Variants in SNX29 observed in about 807,000 individuals in gnomAD.
The protein encoded by SNX29 is sorting nexin-29.
In SNX29, 78 loss-of-function variants were observed where a neutral mutation model predicts 102.1. That is an observed-to-expected ratio of 0.76 (90% CI 0.64 to 0.92). The LOEUF (loss-of-function observed/expected upper bound fraction) is 0.92, where lower values mean the gene tolerates loss of function less well. Among genes scored for constraint, SNX29 ranks in the 40% least tolerant of loss-of-function variants. The pLI, the probability that SNX29 is intolerant of heterozygous loss-of-function variation, is 0.00. For missense variants in SNX29, 1,280 were observed against 1,061.7 expected (o/e 1.21, Z -2.86); for synonymous variants, 580 against 414.5 (o/e 1.40, Z -4.85).
At chr16:12,438,297 C>T (rs1400618565) in intron 18 of SNX29, among the ~76,000 whole-genome samples, 1 of 152,202 alleles carries the variant, frequency 6.6e-6, no homozygotes, top group Admixed American at 6.5e-5. Flanking sequence ...ATCAGCCCTC[C>T]TTGGGAAACT....
chr16:12,301,425 A>G (rs570914763), intron 15 of SNX29, among the ~76,000 whole-genome samples: 18 of 151,978 alleles, frequency 1.2e-4, no homozygotes, highest in Non-Finnish European at 8.8e-5. Context: ...TGTGTTTCCT[A>G]TACTCCCTCT....
chr16:12,518,788 A>G (rs2089978327), intron 19 of SNX29, among the ~76,000 whole-genome samples: 1 of 152,092 alleles, frequency 6.6e-6, no homozygotes, highest in African/African-American at 2.4e-5. Flanking sequence ...GGTAGGAGCT[A>G]CCCCATCGCT....
chr16:12,406,402 TC>T (rs1208728157), intron 18 of SNX29, among the ~76,000 whole-genome samples: 2 of 152,140 alleles, frequency 1.3e-5, no homozygotes, highest in Non-Finnish European at 2.9e-5. Context: ...GAGTAGACAA[TC>T]CCCATCTACA....
Position 12,569,518 on chromosome 16 carries a change from G to A in SNX29, c.*889G>A, listed in dbSNP as rs1053795843. ...CCAGGGTTTTCAAACCAGGCTCCAT[G>A]ACTATGAAGTTGGACCCAGTGTGGA... is the stretch of plus-strand genomic sequence containing the variant. On this transcript the variant is annotated 3_prime_UTR_variant, in exon 21 of 21. Transcript: ENST00000566228. 1 of 231,738 alleles carries A rather than the reference G, an allele frequency of 4.3e-6. No individual in the cohort carries two copies. Among genetic ancestry groups the A allele is most frequent in the African/African-American group, 2.2e-5 (1 of 45,254 alleles). The allele number at this position is 231,738 out of a possible 1,614,324, so 14.4% of individuals were successfully genotyped here.
intron 11 of SNX29, among the ~76,000 whole-genome samples, chr16:12,099,262 G>C (rs1241610409): frequency 5.9e-5 from 9 of 152,218 alleles, no homozygotes; most frequent in African/African-American, 9.6e-5. Flanking sequence ...GAGGTGGTCA[G>C]CTCAGCACTA....
intron 13 of SNX29, among the ~76,000 whole-genome samples, chr16:12,135,967 C>A (rs903900119): frequency 2.6e-5 from 4 of 152,240 alleles, no homozygotes; most frequent in African/African-American, 9.6e-5. Flanking sequence ...CTTCTCAGAG[C>A]ACCGCTCCAG....
chr16:12,456,115 A>C (rs2086528381), intron 18 of SNX29, among the ~76,000 whole-genome samples: 2 of 152,188 alleles, frequency 1.3e-5, no homozygotes. Context: ...ATTTCCAGGC[A>C]CTGGTCTGGG....
chr16:12,549,238 G>A (rs528774286), intron 20 of SNX29, among the ~76,000 whole-genome samples: 11 of 152,320 alleles, frequency 7.2e-5, no homozygotes, highest in Non-Finnish European at 8.8e-5. Context: ...GCTCATCCCT[G>A]TAATCCCAGC....
intron 1 of SNX29, among the ~76,000 whole-genome samples, chr16:11,992,529 A>T (rs975679722): frequency 6.6e-6 from 1 of 151,816 alleles, no homozygotes; most frequent in African/African-American, 2.4e-5. Flanking sequence ...GTCTCTATGA[A>T]TTTACCTGTT....
intron 18 of SNX29, among the ~76,000 whole-genome samples, chr16:12,452,148 G>A (rs112218301): frequency 3.7e-4 from 56 of 152,328 alleles, no homozygotes; most frequent in African/African-American, 1.3e-3. Flanking sequence ...GCTGTAGGGA[G>A]CTCAGTGCAA....
At chr16:12,059,638 C>T (rs2050686099) in intron 8 of SNX29, among the ~76,000 whole-genome samples, 1 of 152,222 alleles carries the variant, frequency 6.6e-6, no homozygotes, top group Non-Finnish European at 1.5e-5. Context: ...CTGGCAATCC[C>T]TGCCTGCGGA....
intron 4 of SNX29, among the ~76,000 whole-genome samples, chr16:12,029,356 C>G (rs1596637150): frequency 6.6e-6 from 1 of 152,058 alleles, no homozygotes; most frequent in Admixed American, 6.6e-5. Flanking sequence ...CAGGATCACT[C>G]CAGCTTGCTA....
intron 14 of SNX29, among the ~76,000 whole-genome samples, chr16:12,209,256 C>G (rs1182187667): frequency 6.6e-6 from 1 of 152,172 alleles, no homozygotes; most frequent in Admixed American, 6.5e-5. Context: ...GTAGGATGAT[C>G]TCAGCTCATT....
At chr16:12,510,989 C>T (rs1420034612) in intron 19 of SNX29, among the ~76,000 whole-genome samples, 1 of 152,002 alleles carries the variant, frequency 6.6e-6, no homozygotes, top group Non-Finnish European at 1.5e-5. Context: ...CAGAGTCTCA[C>T]TCTGTCGCCC....
intron 13 of SNX29, among the ~76,000 whole-genome samples, chr16:12,194,598 T>A (rs2141927104): frequency 6.6e-6 from 1 of 150,616 alleles, no homozygotes; most frequent in Admixed American, 6.7e-5. Flanking sequence ...TGTGTGATGT[T>A]ACTATAGGAT....
intron 13 of SNX29, among the ~76,000 whole-genome samples, chr16:12,149,357 A>G (rs1179452082): frequency 2.0e-5 from 3 of 152,222 alleles, no homozygotes; most frequent in Non-Finnish European, 1.5e-5. Context: ...ATGCTGAGAA[A>G]TGTGATTTCT....
Position 11,983,431 on chromosome 16 carries a change from G to A in SNX29, c.7+6618G>A, listed in dbSNP as rs146517053. Among the ~76,000 whole-genome samples the A allele has an allele frequency of 2.1e-3, 318 of 152,074 alleles. 2 individuals carry two copies. The highest frequency in any genetic ancestry group is 7.5e-3 in the African/African-American group (310 of 41,480). ...CACAGTTTTCTCCTCGGCACTGACT[G>A]GGCCCTCTCTGACAGTAGCTTGTAC... On this transcript the variant is annotated intron_variant, in intron 1 of 20. Transcript: ENST00000566228.
intron 13 of SNX29, among the ~76,000 whole-genome samples, chr16:12,187,859 C>T (rs779034491): frequency 1.3e-5 from 2 of 152,128 alleles, no homozygotes; most frequent in Non-Finnish European, 2.9e-5. Flanking sequence ...CCTCACCTTC[C>T]CATTATTTAG....
chr16:12,137,934 G>C (rs1039704089), intron 13 of SNX29, among the ~76,000 whole-genome samples: 1 of 152,220 alleles, frequency 6.6e-6, no homozygotes, highest in Non-Finnish European at 1.5e-5. Flanking sequence ...GGAAAAGCCA[G>C]TAGGCTTCAT....
Sources: gnomAD v4.1 joint callset for allele counts (sites outside exome capture counted in the v4.1 genomes callset) on GRCh38, gnomAD v4.1.1 for gene constraint, MANE v1.5 for transcripts, NCBI Gene and HGNC (gene_info 2026-07-23, HGNC 2026-07-21) for gene names.